Variants in PLD1 observed in about 807,000 individuals in gnomAD.
The protein encoded by PLD1 is choline phosphatase 1.
In PLD1, 112 loss-of-function variants were observed where a neutral mutation model predicts 137.1. The observed-to-expected ratio is 0.82, with a 90% confidence interval of 0.70 to 0.96. The LOEUF (loss-of-function observed/expected upper bound fraction) is 0.96, where lower values mean the gene tolerates loss of function less well. Ranked by LOEUF, PLD1 falls within the 40% of genes least tolerant of loss-of-function variation. The pLI, the probability that PLD1 is intolerant of heterozygous loss-of-function variation, is 0.00. For missense variants in PLD1, 1,321 were observed against 1,342.0 expected, an observed-to-expected ratio of 0.98 and a Z score of 0.24; for synonymous variants, 431 against 454.7, an observed-to-expected ratio of 0.95 and a Z score of 0.66.
chr3:171,747,107 C>A (rs1720277314), intron 1 of PLD1, among the ~76,000 whole-genome samples: 1 of 152,130 alleles, frequency 6.6e-6, no homozygotes, highest in Admixed American at 6.5e-5. Flanking sequence ...ACTCCTGAGG[C>A]CAGCGAGACC....
At chr3:171,666,820 G>C (rs1712197400) in intron 19 of PLD1, among the ~76,000 whole-genome samples, 1 of 152,088 alleles carries the variant, frequency 6.6e-6, no homozygotes, top group South Asian at 2.1e-4. Context: ...TATAAAAAAT[G>C]GCATATTTCT....
At chr3:171,697,706 A>T (rs1715881626) in intron 12 of PLD1, among the ~76,000 whole-genome samples, 3 of 152,132 alleles carry the variant, frequency 2.0e-5, no homozygotes, top group African/African-American at 7.2e-5. Context: ...TTCCCTTTTA[A>T]AAATGTTTGT....
chr3:171,682,106 GAAAAAGAAAGAAAGAAAGAAAGAA>G (rs1714028069), intron 16 of PLD1, among the ~76,000 whole-genome samples: 1 of 48,332 alleles, frequency 2.1e-5, no homozygotes, highest in African/African-American at 6.9e-5. Flanking sequence ...AATACAGAAA[GAAAAAGAAAGAAAGAAAGAAAGAA>G]AGAAAGAAAG....
chr3:171,629,604 T>A (rs927693766), intron 23 of PLD1, among the ~76,000 whole-genome samples: 17 of 152,174 alleles, frequency 1.1e-4, no homozygotes, highest in South Asian at 6.2e-4. Context: ...GCTACCTGAC[T>A]TCAAACTATA....
intron 1 of PLD1, chr3:171,788,786 TTTA>T (rs2108348797): frequency 6.6e-6 from 1 of 152,308 alleles, no homozygotes; most frequent in East Asian, 1.9e-4. Context: ...AAGAAAAGCA[TTTA>T]TTAAGTTCTG....
At chr3:171,786,891 C>T (rs1453423986) in intron 1 of PLD1, among the ~76,000 whole-genome samples, 5 of 152,164 alleles carry the variant, frequency 3.3e-5, no homozygotes, top group East Asian at 1.9e-4. Context: ...TCTTTCAATA[C>T]GTGCAGTGCC....
rs993609461 is a variant in PLD1 at position 171,626,955 on chromosome 3, G to A, written c.2594-6435C>T. On this transcript the variant is annotated intron_variant, in intron 23 of 26. Transcript: ENST00000351298. ...CTAGGAAGTAACTACATCAACTAACGAGCAAAATAACCAGCTAACATCATA... is the reference window on the plus strand; with the variant it reads ...CTAGGAAGTAACTACATCAACTAACAAGCAAAATAACCAGCTAACATCATA... Among the ~76,000 whole-genome samples the A allele has an allele frequency of 6.6e-5, 10 of 152,036 alleles. No homozygotes were observed. The South Asian group carries it at 8.3e-4, about 13-fold the overall frequency.
At chr3:171,731,191 A>G (rs1718913619) in intron 6 of PLD1, among the ~76,000 whole-genome samples, 1 of 152,220 alleles carries the variant, frequency 6.6e-6, no homozygotes, top group Non-Finnish European at 1.5e-5. Context: ...TTTTATACTT[A>G]TAAAAGTATA....
chr3:171,651,467 G>A (rs1736762304), intron 21 of PLD1, among the ~76,000 whole-genome samples: 1 of 152,088 alleles, frequency 6.6e-6, no homozygotes, highest in South Asian at 2.1e-4. Context: ...AAAAGGAGAA[G>A]ATCCTTCTGG....
At position 171,700,791 on chromosome 3, in the gene PLD1, C is replaced by T. The variant is rs536009180; in HGVS notation, c.1146-965G>A. Among the ~76,000 whole-genome samples the T allele has an allele frequency of 2.0e-5, 3 of 152,280 alleles. No homozygotes were observed. In the South Asian group the frequency reaches 6.2e-4, roughly 32 times the overall value. On this transcript the variant is annotated intron_variant, in intron 11 of 26. Coordinates refer to ENST00000351298, the MANE Select transcript of PLD1 (RefSeq NM_002662.5). ...TCTTCTCCTTCAGTAAGGCATAAGG[C>T]AGCTAAGGTAAGCTAAGCTTCACAA... is the stretch of plus-strand genomic sequence containing the variant.
In PLD1 at chr3:171,761,087, A is replaced by T. The variant is rs550153179; in HGVS notation, c.-31-23005T>A. Reference sequence around the variant, plus strand: ...TACATCTTCATTTAAGTTTAAACACACGTATACATGTATAGGCTGGCAGTT... The same window carrying T: ...TACATCTTCATTTAAGTTTAAACACTCGTATACATGTATAGGCTGGCAGTT... On this transcript the variant is annotated intron_variant, in intron 1 of 26. Transcript: ENST00000351298. Among the ~76,000 whole-genome samples the T allele has an allele frequency of 5.2e-4, 79 of 152,326 alleles. 1 individual carries two copies. Among genetic ancestry groups the T allele is most frequent in the African/African-American group, 1.8e-3 (73 of 41,576 alleles).
chr3:171,611,758 T>C (rs1435251904), intron 25 of PLD1: 5 of 412,986 alleles, frequency 1.2e-5, no homozygotes, highest in African/African-American at 1.0e-4. Flanking sequence ...AAATGGAAGC[T>C]GGAGGGTTTG....
intron 1 of PLD1, among the ~76,000 whole-genome samples, chr3:171,779,593 A>G (rs745485315): frequency 6.6e-6 from 1 of 152,230 alleles, no homozygotes; most frequent in African/African-American, 2.4e-5. Context: ...GCTTGGATAC[A>G]TAAGTCCAAG....
chr3:171,686,605 A>C (rs567979913), intron 16 of PLD1, 80 bp downstream of exon 16: 2 of 738,926 alleles, frequency 2.7e-6, no homozygotes, highest in African/African-American at 3.6e-5. Flanking sequence ...ATCTGGAAAC[A>C]CATTCACTAT....
chr3:171,669,197 C>T (rs533577160), intron 19 of PLD1, among the ~76,000 whole-genome samples: 1 of 152,246 alleles, frequency 6.6e-6, no homozygotes, highest in Non-Finnish European at 1.5e-5. Context: ...TTGCCAGTGG[C>T]GTGTGACCAA....
intron 21 of PLD1, chr3:171,653,452 G>C (rs893301906): frequency 1.3e-5 from 2 of 152,154 alleles, no homozygotes; most frequent in African/African-American, 2.4e-5. Context: ...TTGATTCCCA[G>C]GAAGAGTCAG....
chr3:171,643,563 G>T (rs924777484), intron 22 of PLD1, among the ~76,000 whole-genome samples: 5 of 151,920 alleles, frequency 3.3e-5, no homozygotes, highest in Non-Finnish European at 7.4e-5. Flanking sequence ...ATAATAAAAG[G>T]TTATAGTTTT....
At chr3:171,683,296 G>A (rs1714198079) in intron 16 of PLD1, among the ~76,000 whole-genome samples, 1 of 152,178 alleles carries the variant, frequency 6.6e-6, no homozygotes, top group South Asian at 2.1e-4. Flanking sequence ...CTTGGAAAAT[G>A]TAAGTCAGCC....
intron 3 of PLD1, 121 bp from the exon 4 acceptor site, chr3:171,735,758 TGTAA>T (rs772396050): frequency 1.6e-6 from 1 of 612,122 alleles, no homozygotes; most frequent in Non-Finnish European, 2.9e-6. Context: ...ACTTATTTTG[TGTAA>T]GTACTTAAGT....
Sources: gnomAD v4.1 joint callset for allele counts (sites outside exome capture counted in the v4.1 genomes callset) on GRCh38, gnomAD v4.1.1 for gene constraint, MANE v1.5 for transcripts, NCBI Gene and HGNC (gene_info 2026-07-23, HGNC 2026-07-21) for gene names.